CA10: variants seen among roughly 807,000 people sequenced by gnomAD.
CA10 encodes carbonic anhydrase 10 (inactive).
CA10 carries 14 observed loss-of-function variants against 44.2 expected under a neutral mutation model. That is an observed-to-expected ratio of 0.32 (90% CI 0.21 to 0.50). The LOEUF (loss-of-function observed/expected upper bound fraction) is 0.50. Ranked by LOEUF, CA10 falls within the 20% of genes least tolerant of loss-of-function variation. The pLI is 0.99. For synonymous variants in CA10, 159 were observed against 141.6 expected (o/e 1.12, Z -0.87); for missense variants, 350 against 409.7 (o/e 0.85, Z 1.26).
At chr17:52,110,092 G>T (rs1393736) in intron 1 of CA10, among the ~76,000 whole-genome samples, 1 of 152,004 alleles carries the variant, frequency 6.6e-6, no homozygotes, top group African/African-American at 2.4e-5. Context: ...CATGAGTCCA[G>T]CTGAAAAAAT....
chr17:51,925,954 T>C (rs567520329), intron 3 of CA10, among the ~76,000 whole-genome samples: 3 of 151,532 alleles, frequency 2.0e-5, no homozygotes, highest in Non-Finnish European at 4.4e-5. Context: ...AAATGGGGAG[T>C]TCTTGTTTAC....
intron 3 of CA10, among the ~76,000 whole-genome samples, chr17:51,883,049 G>A (rs373963699): frequency 2.6e-5 from 4 of 152,232 alleles, no homozygotes; most frequent in South Asian, 4.2e-4. Flanking sequence ...AACTATTAGT[G>A]GTGGGTCATC....
intron 2 of CA10, among the ~76,000 whole-genome samples, chr17:52,057,316 C>A (rs1011817230): frequency 6.6e-6 from 1 of 152,052 alleles, no homozygotes; most frequent in South Asian, 2.1e-4. Context: ...CCAACCCTTC[C>A]TCTTTTCCCT....
At chr17:51,712,903 G>A (rs558598793) in intron 4 of CA10, among the ~76,000 whole-genome samples, 9 of 152,344 alleles carry the variant, frequency 5.9e-5, no homozygotes, top group African/African-American at 1.9e-4. Context: ...CAGGAGGAGG[G>A]TGAGTGTCTT....
At chr17:51,992,285 G>A (rs1458861669) in intron 2 of CA10, among the ~76,000 whole-genome samples, 1 of 152,048 alleles carries the variant, frequency 6.6e-6, no homozygotes, top group African/African-American at 2.4e-5. Flanking sequence ...GACTGACAAA[G>A]AGTTAAAACA....
At chr17:51,944,111 T>A (rs1438150605) in intron 2 of CA10, among the ~76,000 whole-genome samples, 1 of 152,162 alleles carries the variant, frequency 6.6e-6, no homozygotes, top group Non-Finnish European at 1.5e-5. Context: ...AGAAAAAGAA[T>A]GTCTTAGATG....
At chr17:51,986,917 A>G (rs1053157390) in intron 2 of CA10, among the ~76,000 whole-genome samples, 122 of 152,126 alleles carry the variant, frequency 8.0e-4, no homozygotes, top group African/African-American at 2.8e-3. Flanking sequence ...TGGGAATGTA[A>G]ACTACTACAA....
chr17:51,853,380 G>A (rs1978887969), intron 3 of CA10, among the ~76,000 whole-genome samples: 1 of 152,172 alleles, frequency 6.6e-6, no homozygotes, highest in African/African-American at 2.4e-5. Context: ...CTTGTCTGCT[G>A]TCCCTGTGCT....
In CA10 at chr17:51,747,472, G is replaced by A. The variant is rs565570005; in HGVS notation, c.465+161C>T. Among the ~76,000 whole-genome samples the A allele has an allele frequency of 8.5e-5, 13 of 152,330 alleles. No individual in the cohort carries two copies. The East Asian group carries it at 2.1e-3, about 25-fold the overall frequency. On this transcript the variant is annotated intron_variant, in intron 4 of 8. Transcript: ENST00000451037. ...ATACTAGAAGCTTGTTATTGACTTC[G>A]ATGTCAATTTGCAAAAGACAGATGG...
intron 4 of CA10, among the ~76,000 whole-genome samples, chr17:51,696,548 G>T (rs917895141): frequency 4.9e-4 from 74 of 151,932 alleles, no homozygotes; most frequent in African/African-American, 1.7e-3. Context: ...TAGATTTTTT[G>T]ATTCTTTGTA....
chr17:51,992,730 G>GAA (rs987991443), intron 2 of CA10, among the ~76,000 whole-genome samples: 1 of 151,956 alleles, frequency 6.6e-6, no homozygotes, highest in African/African-American at 2.4e-5. Flanking sequence ...CCTGACACCA[G>GAA]AAAAACAAAA....
chr17:51,959,566 GC>G (rs1983805647), intron 2 of CA10, among the ~76,000 whole-genome samples: 1 of 151,840 alleles, frequency 6.6e-6, no homozygotes, highest in African/African-American at 2.4e-5. Context: ...ACTAATTGGC[GC>G]ATGCATTGAA....
intron 3 of CA10, among the ~76,000 whole-genome samples, chr17:51,894,543 T>C (rs1356422786): frequency 2.0e-5 from 3 of 152,086 alleles, no homozygotes; most frequent in Non-Finnish European, 4.4e-5. Flanking sequence ...TTGTTGGAGA[T>C]ACAATTTTTT....
chr17:51,795,812 G>A (rs773305694), intron 3 of CA10, among the ~76,000 whole-genome samples: 9 of 152,166 alleles, frequency 5.9e-5, no homozygotes, highest in Admixed American at 1.3e-4. Context: ...TCAGTGTCCT[G>A]GGCAGTTGTA....
At chr17:51,716,545 C>T (rs1238550689) in intron 4 of CA10, among the ~76,000 whole-genome samples, 3 of 152,206 alleles carry the variant, frequency 2.0e-5, no homozygotes, top group Admixed American at 2.0e-4. Flanking sequence ...TTCTTGCCAG[C>T]CCCCCAGGGT....
At chr17:52,026,714 C>G (rs1986312661) in intron 2 of CA10, among the ~76,000 whole-genome samples, 1 of 152,060 alleles carries the variant, frequency 6.6e-6, no homozygotes. Flanking sequence ...CCTGAGATTT[C>G]AAGAGAGCTC....
At chr17:52,052,452 TC>T (rs1273256528) in intron 2 of CA10, among the ~76,000 whole-genome samples, 3 of 151,978 alleles carry the variant, frequency 2.0e-5, no homozygotes, top group Non-Finnish European at 4.4e-5. Flanking sequence ...TGGCTTATTA[TC>T]ATTCAGGGCA....
intron 4 of CA10, among the ~76,000 whole-genome samples, chr17:51,745,740 T>C (rs1904659539): frequency 6.6e-6 from 1 of 152,236 alleles, no homozygotes; most frequent in South Asian, 2.1e-4. Context: ...AGTAAACATC[T>C]ACATTTTATC....
intron 3 of CA10, among the ~76,000 whole-genome samples, chr17:51,840,578 A>AG (rs1382000702): frequency 1.8e-4 from 27 of 152,024 alleles, no homozygotes; most frequent in African/African-American, 5.3e-4. Flanking sequence ...AGAGGGAGGG[A>AG]GAAATTAAGA....
Sources: allele counts gnomAD v4.1 joint callset (sites outside exome capture counted in the v4.1 genomes callset), GRCh38; gene constraint gnomAD v4.1.1; transcripts MANE v1.5; gene names NCBI Gene and HGNC (gene_info 2026-07-23, HGNC 2026-07-21).